PLAG1: variants seen among roughly 807,000 people sequenced by gnomAD.
PLAG1 encodes zinc finger protein PLAG1.
Under a neutral mutation model 35.5 loss-of-function variants are expected in PLAG1, and 7 were observed. That is an observed-to-expected ratio of 0.20 (90% CI 0.11 to 0.37). The LOEUF (loss-of-function observed/expected upper bound fraction) is 0.37. Ranked by LOEUF, PLAG1 falls within the 10% of genes least tolerant of loss-of-function variation. PLAG1 has a pLI of 1.00. For missense variants in PLAG1, 454 were observed against 602.8 expected (o/e 0.75, Z 2.58); for synonymous variants, 229 against 225.4 (o/e 1.02, Z -0.14).
intron 2 of PLAG1, among the ~76,000 whole-genome samples, chr8:56,174,198 G>A (rs925695543): frequency 2.0e-5 from 3 of 152,106 alleles, no homozygotes; most frequent in Non-Finnish European, 4.4e-5. Flanking sequence ...CTTAAAACAG[G>A]TTTTTCCATA....
At chr8:56,186,964 C>T (rs1331248656) in intron 1 of PLAG1, among the ~76,000 whole-genome samples, 6 of 152,196 alleles carry the variant, frequency 3.9e-5, no homozygotes, top group Non-Finnish European at 8.8e-5. Context: ...AATCCACCTG[C>T]CTCAGCCTCC....
In PLAG1 at chr8:56,199,732, C is replaced by G. The variant is rs74339886; in HGVS notation, c.-322+11389G>C. Among the ~76,000 whole-genome samples, 245 of 152,172 alleles carry G rather than the reference C, an allele frequency of 1.6e-3. 1 individual carries two copies. Among genetic ancestry groups the G allele is most frequent in the East Asian group, 8.1e-3 (42 of 5,168 alleles). ...ACTAGGCAGTACGTCTCCACCACCC[C>G]CCCCGATCCTCCCCTACAGGAGGGC... is the stretch of plus-strand genomic sequence containing the variant. On this transcript the variant is annotated intron_variant, in intron 1 of 4. Transcript: ENST00000316981.
rs114284204 is a variant in PLAG1, at chr8:56,165,047, C to T, written c.*1196G>A. 235 of 206,202 alleles carry T rather than the reference C, an allele frequency of 1.1e-3. 2 individuals are homozygous for T. The highest frequency in any genetic ancestry group is 4.9e-3 in the African/African-American group (216 of 43,936). The allele number at this position is 206,202 out of a possible 1,614,324, so 12.8% of individuals were successfully genotyped here. A position where few individuals can be genotyped will look rare whatever the true frequency, so the allele number is the denominator to read the frequency against. On this transcript the variant is annotated 3_prime_UTR_variant, in exon 5 of 5. Coordinates refer to ENST00000316981, the MANE Select transcript of PLAG1 (RefSeq NM_002655.3). ...TCACATTGAATCAGAAAGATAACATCGGAGTAGGACTGTTGTTTTTGTTTT... is the reference window on the plus strand; with the variant it reads ...TCACATTGAATCAGAAAGATAACATTGGAGTAGGACTGTTGTTTTTGTTTT...
At chr8:56,188,280 G>A (rs900625954) in intron 1 of PLAG1, among the ~76,000 whole-genome samples, 1 of 152,176 alleles carries the variant, frequency 6.6e-6, no homozygotes, top group East Asian at 1.9e-4. Flanking sequence ...CGGGGAAGAT[G>A]CAGGGAGGGG....
In PLAG1 at chr8:56,166,953, C is replaced by T. The variant is rs749464612; in HGVS notation, c.793G>A (p.Glu265Lys). 2.2e-5 allele frequency: 35 copies of T among 1,613,912 alleles called. 1 individual carries two copies. The highest frequency in any genetic ancestry group is 6.7e-5 in the Admixed American group (4 of 59,992). The part of the protein sequence containing the change: ...TCNVSVPIKD[E>K]LLPVMSLPSS... ...GGTAAGGACATCACCGGAAGGAGCT[C>T]GTCTTTTATAGGCACAGACACATTG... is the stretch of plus-strand genomic sequence containing the variant. The change falls in exon 5 of 5, where the codon GAG becomes AAG. Residue 265 changes from glutamate to lysine, a missense_variant. By Grantham distance (56) the Glu-to-Lys change is moderately conservative. This residue lies in a region of PLAG1 where 271 missense variants were observed against 315.6 expected (regional missense o/e 0.86). Coordinates refer to ENST00000316981, the MANE Select transcript of PLAG1 (RefSeq NM_002655.3).
intron 1 of PLAG1, among the ~76,000 whole-genome samples, chr8:56,198,435 G>A (rs768030926): frequency 5.9e-5 from 9 of 152,224 alleles, no homozygotes; most frequent in Non-Finnish European, 1.3e-4. Flanking sequence ...CTATAGCCAT[G>A]TGCAGAGGGC....
intron 2 of PLAG1, among the ~76,000 whole-genome samples, chr8:56,175,370 T>G (rs1214720161): frequency 1.3e-5 from 2 of 152,220 alleles, no homozygotes; most frequent in Non-Finnish European, 2.9e-5. Flanking sequence ...TTGGGGCTGC[T>G]GGTCCCTACA....
In PLAG1 at chr8:56,180,106, C is replaced by T. The variant is rs78876346; in HGVS notation, c.-321-593G>A. On this transcript the variant is annotated intron_variant, in intron 1 of 4. Transcript: ENST00000316981. The stretch of plus-strand genomic sequence containing the variant: ...GGTCATGTCCATCCTCAACGACATA[C>T]AAAGAAAATGCAAAATGTATTCTGA... 1.3e-3 allele frequency among the ~76,000 whole-genome samples: 205 copies of T among 152,266 alleles called. 1 individual carries two copies. The highest frequency in any genetic ancestry group is 2.2e-3 in the Non-Finnish European group (152 of 68,020).
intron 2 of PLAG1, among the ~76,000 whole-genome samples, chr8:56,174,197 G>C (rs1417748411): frequency 2.0e-5 from 3 of 152,156 alleles, no homozygotes; most frequent in Non-Finnish European, 1.5e-5. Context: ...CCTTAAAACA[G>C]GTTTTTCCAT....
chr8:56,185,016 T>A (rs968977736), intron 1 of PLAG1, among the ~76,000 whole-genome samples: 2 of 152,196 alleles, frequency 1.3e-5, no homozygotes, highest in Non-Finnish European at 1.5e-5. Flanking sequence ...GGGCTACTAA[T>A]CAGCAGCAAA....
chr8:56,182,115 A>T (rs1585796242), intron 1 of PLAG1, among the ~76,000 whole-genome samples: 1 of 152,226 alleles, frequency 6.6e-6, no homozygotes, highest in African/African-American at 2.4e-5. Flanking sequence ...TCTTGTACTC[A>T]TTATGAGATG....
At chr8:56,174,439 T>G (rs530417921) in intron 2 of PLAG1, among the ~76,000 whole-genome samples, 1 of 152,176 alleles carries the variant, frequency 6.6e-6, no homozygotes, top group Admixed American at 6.5e-5. Flanking sequence ...TCACTTTCCA[T>G]AGTCTGTAAA....
At chr8:56,192,874 A>G (rs967417056) in intron 1 of PLAG1, among the ~76,000 whole-genome samples, 1 of 152,234 alleles carries the variant, frequency 6.6e-6, no homozygotes, top group Admixed American at 6.5e-5. Context: ...TGGGGGAAAC[A>G]CTACAGGACA....
At chr8:56,203,698 T>C (rs546986813) in intron 1 of PLAG1, among the ~76,000 whole-genome samples, 16 of 152,214 alleles carry the variant, frequency 1.1e-4, no homozygotes, top group African/African-American at 3.4e-4. Flanking sequence ...AAATAACTAG[T>C]AGGGCTGCTT....
At chr8:56,175,719 A>T (rs1244523849) in intron 2 of PLAG1, among the ~76,000 whole-genome samples, 1 of 152,206 alleles carries the variant, frequency 6.6e-6, no homozygotes. Flanking sequence ...GATAATAAAA[A>T]CTAATTGAGA....
intron 1 of PLAG1, among the ~76,000 whole-genome samples, chr8:56,181,113 T>C (rs536778758): frequency 2.0e-5 from 3 of 152,344 alleles, no homozygotes; most frequent in South Asian, 2.1e-4. Flanking sequence ...TTTTACACTG[T>C]TGGTGGGAGT....
At chr8:56,194,219 A>T (rs1017888084) in intron 1 of PLAG1, among the ~76,000 whole-genome samples, 2 of 150,094 alleles carry the variant, frequency 1.3e-5, no homozygotes, top group Non-Finnish European at 1.5e-5. Flanking sequence ...CAGGAGGCTG[A>T]GGCAAGAGAA....
rs184842453 is a variant in PLAG1, at chr8:56,168,805, C to G, written c.-117-419G>C. Among the ~76,000 whole-genome samples the G allele has an allele frequency of 2.4e-4, 37 of 152,322 alleles. 3 individuals carry two copies. In the East Asian group the frequency reaches 7.1e-3, roughly 29 times the overall value. On this transcript the variant is annotated intron_variant, in intron 3 of 4. Transcript: ENST00000316981. ...AAAAATCAGTTTGATTTGTGCATGT[C>G]AGCTCTAGTCAGACTGCACTATAGG...
In PLAG1 at chr8:56,162,245, T is replaced by A; in HGVS notation, c.*3998A>T. The stretch of plus-strand genomic sequence containing the variant: ...CATTGCTAATGACGAATACTAAACA[T>A]TTAAAAGATCTCCTCCAATGTCACA... On this transcript the variant is annotated 3_prime_UTR_variant, in exon 5 of 5. Coordinates refer to ENST00000316981, the MANE Select transcript of PLAG1 (RefSeq NM_002655.3). The A allele has an allele frequency of 4.4e-6, 1 of 228,864 alleles. No homozygotes were observed. Among genetic ancestry groups the A allele is most frequent in the Non-Finnish European group, 8.7e-6 (1 of 114,932 alleles). The allele number at this position is 228,864 out of a possible 1,614,324, so 14.2% of individuals were successfully genotyped here.
Sources: gnomAD v4.1 joint callset for allele counts (sites outside exome capture counted in the v4.1 genomes callset) on GRCh38, gnomAD v4.1.1 for gene constraint, gnomAD v4.1.1 regional missense constraint, MANE v1.5 for transcripts, NCBI Gene and HGNC (gene_info 2026-07-23, HGNC 2026-07-21) for gene names.